The following AGBL4 variants were observed in gnomAD, a reference collection of about 807,000 sequenced individuals.
AGBL4 encodes the protein cytosolic carboxypeptidase 6.
A neutral mutation model predicts 66.4 loss-of-function variants in AGBL4; 58 were observed. That is an observed-to-expected ratio of 0.87 (90% CI 0.71 to 1.09). The LOEUF (loss-of-function observed/expected upper bound fraction) is 1.09. Among genes scored for constraint, AGBL4 ranks in the 50% least tolerant of loss-of-function variants. The pLI, the probability that AGBL4 is intolerant of heterozygous loss-of-function variation, is 0.00. For missense variants in AGBL4, 579 were observed against 631.0 expected (o/e 0.92, Z 0.88); for synonymous variants, 234 against 222.9 (o/e 1.05, Z -0.44).
chr1:49,546,867 T>A (rs956894857), intron 3 of AGBL4, among the ~76,000 whole-genome samples: 16 of 152,168 alleles, frequency 1.1e-4, no homozygotes, highest in African/African-American at 3.1e-4. Context: ...TTTTTTCTTA[T>A]TGATTTGTTT....
intron 6 of AGBL4, among the ~76,000 whole-genome samples, chr1:48,749,063 A>G (rs1651238577): frequency 6.6e-6 from 1 of 152,074 alleles, no homozygotes; most frequent in Non-Finnish European, 1.5e-5. Context: ...AAGCCCACCC[A>G]GGAAGAAAGA....
chr1:49,215,812 C>T (rs770726045), intron 4 of AGBL4, among the ~76,000 whole-genome samples: 2 of 151,964 alleles, frequency 1.3e-5, no homozygotes, highest in Non-Finnish European at 2.9e-5. Flanking sequence ...GGTCATTATC[C>T]TTCCTTCTCC....
chr1:48,537,665 T>G (rs1643995570), intron 12 of AGBL4, among the ~76,000 whole-genome samples: 2 of 152,200 alleles, frequency 1.3e-5, no homozygotes, highest in South Asian at 4.1e-4. Context: ...TCAGCACCAT[T>G]TCATTGGTAT....
In AGBL4 at chr1:49,400,670, G is replaced by A. The variant is rs188167100; in HGVS notation, c.283-154806C>T. On this transcript the variant is annotated intron_variant, in intron 3 of 13. Transcript: ENST00000371839. ...TTTTAATTTCTTTTTCAGATTCTTC[G>A]CTGCTGGCACATGAAAATGTTACTG... 6.4e-3 allele frequency among the ~76,000 whole-genome samples: 971 copies of A among 151,962 alleles called. 6 individuals are homozygous for A. The highest frequency in any genetic ancestry group is 0.01 in the Non-Finnish European group (687 of 67,968).
intron 5 of AGBL4, among the ~76,000 whole-genome samples, chr1:49,015,881 A>C (rs955916711): frequency 9.9e-5 from 15 of 152,144 alleles, no homozygotes; most frequent in African/African-American, 3.6e-4. Context: ...GCGGAAAAAA[A>C]CCCCCAAAAA....
chr1:49,036,437 G>T (rs1664656630), intron 5 of AGBL4, among the ~76,000 whole-genome samples: 2 of 152,030 alleles, frequency 1.3e-5, no homozygotes, highest in African/African-American at 4.8e-5. Context: ...CAACAAAGAA[G>T]GTAAAAAGTT....
At chr1:48,696,452 T>C (rs993393240) in intron 6 of AGBL4, among the ~76,000 whole-genome samples, 2 of 152,142 alleles carry the variant, frequency 1.3e-5, no homozygotes, top group East Asian at 3.9e-4. Flanking sequence ...TAGGTCAACC[T>C]TACCATACAA....
chr1:48,566,870 T>C (rs1037337461), intron 11 of AGBL4, among the ~76,000 whole-genome samples: 1 of 152,190 alleles, frequency 6.6e-6, no homozygotes, highest in African/African-American at 2.4e-5. Context: ...GGCTAATGCA[T>C]GTAATCTCAG....
chr1:49,357,909 G>A lies in AGBL4; in HGVS notation c.283-112045C>T, dbSNP rs551459401. Among the ~76,000 whole-genome samples, 10 of 152,034 alleles carry A rather than the reference G, an allele frequency of 6.6e-5. No individual in the cohort carries two copies. The East Asian group carries it at 1.5e-3, about 24-fold the overall frequency. On this transcript the variant is annotated intron_variant, in intron 3 of 13. Coordinates refer to ENST00000371839, the MANE Select transcript of AGBL4 (RefSeq NM_032785.4). ...CTTACTGGGACACATGCTTCACTTC[G>A]TTCCTTGTCTGAATTCTAAACATCC...
intron 1 of AGBL4, among the ~76,000 whole-genome samples, chr1:49,962,813 G>A (rs916902877): frequency 2.6e-5 from 4 of 152,118 alleles, no homozygotes; most frequent in African/African-American, 9.7e-5. Context: ...TAGAGCTAAA[G>A]AGGACCTATA....
intron 5 of AGBL4, among the ~76,000 whole-genome samples, chr1:48,942,937 A>G (rs1656129219): frequency 6.6e-6 from 1 of 152,204 alleles, no homozygotes; most frequent in South Asian, 2.1e-4. Flanking sequence ...TATTGGCTAT[A>G]AGTATTCCTA....
intron 3 of AGBL4, among the ~76,000 whole-genome samples, chr1:49,432,508 C>T (rs1171972785): frequency 6.6e-6 from 1 of 152,118 alleles, no homozygotes; most frequent in Non-Finnish European, 1.5e-5. Flanking sequence ...TTTTAAACTA[C>T]AATACATATT....
rs534039549 is a variant in AGBL4 at position 48,820,066 on chromosome 1, C to T, written c.634+47125G>A. Among the ~76,000 whole-genome samples the T allele has an allele frequency of 9.3e-4, 142 of 152,300 alleles. 3 individuals carry two copies. In the South Asian group the frequency reaches 0.028, roughly 30 times the overall value. On this transcript the variant is annotated intron_variant, in intron 6 of 13. Coordinates refer to ENST00000371839, the MANE Select transcript of AGBL4 (RefSeq NM_032785.4). ...CTTCCTAACTTCCATTCTAAGTAAGCACAATTATTATTTCTACTTTACAGG... is the reference window on the plus strand; with the variant it reads ...CTTCCTAACTTCCATTCTAAGTAAGTACAATTATTATTTCTACTTTACAGG...
chr1:49,865,943 A>T (rs1309497683), intron 1 of AGBL4: 3 of 406,630 alleles, frequency 7.4e-6, no homozygotes, highest in African/African-American at 6.1e-5. Flanking sequence ...AAAACACAAC[A>T]TGAGAATATA....
chr1:49,991,886 C>T (rs1402948613), intron 1 of AGBL4, among the ~76,000 whole-genome samples: 1 of 152,064 alleles, frequency 6.6e-6, no homozygotes, highest in Non-Finnish European at 1.5e-5. Flanking sequence ...ACTATGTGAG[C>T]TTAAGCAAGT....
intron 5 of AGBL4, among the ~76,000 whole-genome samples, chr1:49,039,077 GA>G (rs1180617752): frequency 6.6e-6 from 1 of 152,036 alleles, no homozygotes; most frequent in Non-Finnish European, 1.5e-5. Context: ...GTCACGAAGC[GA>G]AAGAAGCCAA....
At chr1:49,446,412 C>A (rs1263524061) in intron 3 of AGBL4, among the ~76,000 whole-genome samples, 3 of 152,086 alleles carry the variant, frequency 2.0e-5, no homozygotes, top group Non-Finnish European at 4.4e-5. Flanking sequence ...TGGGTATGTG[C>A]AGTAGTGTAT....
At chr1:49,818,515 C>G (rs1429508363) in intron 2 of AGBL4, among the ~76,000 whole-genome samples, 1 of 151,866 alleles carries the variant, frequency 6.6e-6, no homozygotes, top group Non-Finnish European at 1.5e-5. Flanking sequence ...TAGGTGCATG[C>G]CATGATGCCT....
chr1:48,768,920 C>T (rs1644666886), intron 6 of AGBL4, among the ~76,000 whole-genome samples: 1 of 152,042 alleles, frequency 6.6e-6, no homozygotes, highest in Non-Finnish European at 1.5e-5. Flanking sequence ...CCAAGGCAGA[C>T]AAAATTCTCA....
Sources: allele counts gnomAD v4.1 joint callset (sites outside exome capture counted in the v4.1 genomes callset), GRCh38; gene constraint gnomAD v4.1.1; transcripts MANE v1.5; gene names NCBI Gene and HGNC (gene_info 2026-07-23, HGNC 2026-07-21).